Variants in RDX observed in about 807,000 individuals in gnomAD.
RDX encodes deafness, autosomal recessive 24.
A neutral mutation model predicts 83.7 loss-of-function variants in RDX; 32 were observed. The ratio of observed to expected loss-of-function variants is 0.38; its 90% CI spans 0.29 to 0.51. The LOEUF (loss-of-function observed/expected upper bound fraction) is 0.51, where lower values mean the gene tolerates loss of function less well. Among genes scored for constraint, RDX ranks in the 20% least tolerant of loss-of-function variants. The pLI is 0.87. For missense variants in RDX, 600 were observed against 689.9 expected, an observed-to-expected ratio of 0.87 and a Z score of 1.46; for synonymous variants, 229 against 222.7, an observed-to-expected ratio of 1.03 and a Z score of -0.25.
At chr11:110,294,539 C>T (rs1421507480) in intron 1 of RDX, among the ~76,000 whole-genome samples, 1 of 151,794 alleles carries the variant, frequency 6.6e-6, no homozygotes, top group Non-Finnish European at 1.5e-5. Flanking sequence ...AATTTATCGA[C>T]TTAAAAAAAA....
intron 15 of RDX, among the ~76,000 whole-genome samples, chr11:110,188,308 T>TAATAAG (rs764568628): frequency 1.3e-4 from 7 of 52,542 alleles, no homozygotes; most frequent in Non-Finnish European, 3.5e-4. Context: ...ATAATAATAA[T>TAATAAG]AATAATAATA....
chr11:110,257,758 TTTAC>T lies in RDX; in HGVS notation c.698+5_698+8del, dbSNP rs759178140. The stretch of plus-strand genomic sequence containing the variant: ...AATGACTAGTTCACTATGCAACTAA[TTTAC>T]TTACTTGTCGTCATGCTCATAAATA... On this transcript the variant is annotated splice_donor_5th_base_variant and intron_variant, in intron 7 of 13. Coordinates refer to ENST00000645495, the MANE Select transcript of RDX (RefSeq NM_002906.4). 4 of 1,611,346 alleles carry T rather than the reference TTTAC, an allele frequency of 2.5e-6. No homozygotes were observed. The highest frequency in any genetic ancestry group is 2.2e-5 in the East Asian group (1 of 44,746).
chr11:110,247,581 G>T, intron 10 of RDX, 122 bp downstream of exon 10: 1 of 966,278 alleles, frequency 1.0e-6, no homozygotes, highest in Admixed American at 2.6e-5. Flanking sequence ...GTATTAATTT[G>T]CCAATTAAAT....
At chr11:110,292,087 G>A (rs1035071665) in intron 1 of RDX, among the ~76,000 whole-genome samples, 2 of 152,146 alleles carry the variant, frequency 1.3e-5, no homozygotes, top group Non-Finnish European at 2.9e-5. Flanking sequence ...GAGGTCAGGA[G>A]TTTGAGACCA....
At chr11:110,259,012 T>C (rs909158741) in intron 5 of RDX, among the ~76,000 whole-genome samples, 2 of 152,028 alleles carry the variant, frequency 1.3e-5, no homozygotes, top group Non-Finnish European at 2.9e-5. Context: ...GCTGGGATTA[T>C]AGGTGTGTGC....
intron 3 of RDX, among the ~76,000 whole-genome samples, chr11:110,266,418 A>G (rs1860053212): frequency 6.6e-6 from 1 of 152,194 alleles, no homozygotes; most frequent in African/African-American, 2.4e-5. Flanking sequence ...TAACAAAAGC[A>G]TATGTTTTTT....
At chr11:110,296,339 G>C (rs905593934) in intron 1 of RDX, 128 bp downstream of exon 1, 13 of 151,866 alleles carry the variant, frequency 8.6e-5, no homozygotes, top group African/African-American at 3.1e-4. Flanking sequence ...CGCGAGCGGA[G>C]GCGCGCCAAG....
intron 14 of RDX, among the ~76,000 whole-genome samples, chr11:110,209,111 G>A (rs1490448788): frequency 3.3e-5 from 5 of 152,178 alleles, no homozygotes; most frequent in Admixed American, 6.5e-5. Context: ...CAGAGAGTGG[G>A]CACAGGTCAG....
chr11:110,282,614 A>C (rs1860807940), intron 1 of RDX, among the ~76,000 whole-genome samples: 1 of 152,212 alleles, frequency 6.6e-6, no homozygotes, highest in Admixed American at 6.5e-5. Context: ...GCCTATCAAA[A>C]TGTTATAGAA....
chr11:110,223,013 C>A (rs57387581), intron 14 of RDX, among the ~76,000 whole-genome samples: 1 of 152,088 alleles, frequency 6.6e-6, no homozygotes, highest in Non-Finnish European at 1.5e-5. Flanking sequence ...CTTTTACATA[C>A]AATGAACGAT....
chr11:110,202,026 C>T (rs67566094), intron 14 of RDX, among the ~76,000 whole-genome samples: 66,484 of 151,472 alleles, frequency 0.44, 14,760 homozygotes, highest in East Asian at 0.6. Context: ...GTAATCCGCC[C>T]GCCTTGGCCT....
chr11:110,207,858 C>G (rs1368341468), intron 14 of RDX, among the ~76,000 whole-genome samples: 1 of 152,080 alleles, frequency 6.6e-6, no homozygotes, highest in Non-Finnish European at 1.5e-5. Context: ...CCTATTTGCT[C>G]TAATTTGATA....
intron 4 of RDX, 81 bp from the exon 5 acceptor site, chr11:110,264,315 GA>G: frequency 1.1e-6 from 1 of 925,700 alleles, no homozygotes; most frequent in East Asian, 2.6e-5. Context: ...ATTCTTTTTG[GA>G]AGAAAATGAA....
chr11:110,224,481 A>G (rs1296634548), downstream of RDX, among the ~76,000 whole-genome samples: 1 of 152,212 alleles, frequency 6.6e-6, no homozygotes, highest in Non-Finnish European at 1.5e-5. Flanking sequence ...AATGCTCTGA[A>G]AAAGGACAAT....
At chr11:110,234,931 A>G (rs1185802945) in intron 12 of RDX, among the ~76,000 whole-genome samples, 1 of 152,222 alleles carries the variant, frequency 6.6e-6, no homozygotes, top group East Asian at 1.9e-4. Flanking sequence ...TTTTCAGTTA[A>G]GAGTTAATGT....
intron 1 of RDX, among the ~76,000 whole-genome samples, chr11:110,285,595 C>A (rs1049565774): frequency 6.6e-6 from 1 of 151,710 alleles, no homozygotes; most frequent in South Asian, 2.1e-4. Flanking sequence ...TGCCTGTAGT[C>A]CCTGCAACTC....
chr11:110,259,177 A>T (rs1356720896), intron 5 of RDX, among the ~76,000 whole-genome samples: 2 of 151,942 alleles, frequency 1.3e-5, no homozygotes, highest in Non-Finnish European at 2.9e-5. Context: ...ACCTCAAGTG[A>T]TCCACCTGCC....
chr11:110,207,380 C>T (rs564252558), intron 14 of RDX, among the ~76,000 whole-genome samples: 2 of 152,270 alleles, frequency 1.3e-5, no homozygotes, highest in South Asian at 4.1e-4. Context: ...TTCTGATGCA[C>T]GCTAGTGTGA....
At chr11:110,202,924 C>T (rs538095281) in intron 14 of RDX, among the ~76,000 whole-genome samples, 1 of 152,160 alleles carries the variant, frequency 6.6e-6, no homozygotes, top group South Asian at 2.1e-4. Context: ...AACCTTTGTA[C>T]ACTGTTGGTG....
Sources: allele counts gnomAD v4.1 joint callset (sites outside exome capture counted in the v4.1 genomes callset), GRCh38; gene constraint gnomAD v4.1.1; transcripts MANE v1.5; gene names NCBI Gene and HGNC (gene_info 2026-07-23, HGNC 2026-07-21).